WDFY2: variants seen among roughly 807,000 people sequenced by gnomAD.
The protein encoded by WDFY2 is WD repeat and FYVE domain-containing protein 2.
In WDFY2, 36 loss-of-function variants were observed where a neutral mutation model predicts 56.4. The ratio of observed to expected loss-of-function variants is 0.64; its 90% CI spans 0.49 to 0.84. WDFY2 has a LOEUF of 0.84. Among genes scored for constraint, WDFY2 ranks in the 40% least tolerant of loss-of-function variants. The pLI is 0.00. For missense variants in WDFY2, 444 were observed against 512.2 expected (o/e 0.87, Z 1.29); for synonymous variants, 176 against 183.7 (o/e 0.96, Z 0.34).
At chr13:51,650,491 A>C (rs139482891) in intron 1 of WDFY2, among the ~76,000 whole-genome samples, 14,853 of 152,172 alleles carry the variant, frequency 0.098, 995 homozygotes, top group Admixed American at 0.2. Flanking sequence ...TGTCTTGTGC[A>C]AGTTTTCAAA....
chr13:51,596,252 GAAAAT>G (rs1320739211), intron 1 of WDFY2, among the ~76,000 whole-genome samples: 3 of 152,102 alleles, frequency 2.0e-5, no homozygotes, highest in Admixed American at 6.5e-5. Flanking sequence ...TTTTTATCTA[GAAAAT>G]AAAATTAAAT....
intron 2 of WDFY2, among the ~76,000 whole-genome samples, chr13:51,671,865 C>T (rs1278452494): frequency 6.9e-6 from 1 of 145,602 alleles, no homozygotes; most frequent in African/African-American, 2.5e-5. Context: ...CTTACTGCAA[C>T]CTCTGCCTCC....
At chr13:51,621,152 C>T (rs901197108) in intron 1 of WDFY2, among the ~76,000 whole-genome samples, 7 of 152,162 alleles carry the variant, frequency 4.6e-5, no homozygotes, top group African/African-American at 1.2e-4. Flanking sequence ...CCTACACAAA[C>T]GCATACTTTT....
chr13:51,661,369 T>C (rs1008938707), intron 2 of WDFY2, among the ~76,000 whole-genome samples: 2 of 152,204 alleles, frequency 1.3e-5, no homozygotes, highest in African/African-American at 4.8e-5. Context: ...TAGCACAAAA[T>C]AATTATTTAA....
At chr13:51,658,613 A>G (rs1397471553) in intron 1 of WDFY2, among the ~76,000 whole-genome samples, 2 of 152,208 alleles carry the variant, frequency 1.3e-5, no homozygotes, top group African/African-American at 2.4e-5. Flanking sequence ...TTACTCTGGT[A>G]TTGATTCTTA....
chr13:51,656,989 G>A (rs1955520309), intron 1 of WDFY2, among the ~76,000 whole-genome samples: 1 of 151,986 alleles, frequency 6.6e-6, no homozygotes, highest in East Asian at 1.9e-4. Flanking sequence ...TTACTGATAA[G>A]TAAAGACTTC....
chr13:51,711,355 T>C (rs1392671464), intron 4 of WDFY2, among the ~76,000 whole-genome samples: 10 of 152,094 alleles, frequency 6.6e-5, no homozygotes, highest in Non-Finnish European at 1.3e-4. Flanking sequence ...AACCTAGGCA[T>C]TACCATTCAG....
intron 1 of WDFY2, chr13:51,586,218 T>G: frequency 2.5e-6 from 1 of 395,704 alleles, no homozygotes; most frequent in Non-Finnish European, 4.5e-6. Flanking sequence ...TAGAAATTCT[T>G]TGGCACAGTA....
At chr13:51,630,097 C>A (rs1267501324) in intron 1 of WDFY2, among the ~76,000 whole-genome samples, 1 of 151,970 alleles carries the variant, frequency 6.6e-6, no homozygotes, top group Non-Finnish European at 1.5e-5. Flanking sequence ...AAATATGGAG[C>A]CTTAGCCATT....
intron 6 of WDFY2, among the ~76,000 whole-genome samples, chr13:51,737,548 AT>A (rs1192568216): frequency 2.6e-5 from 3 of 114,526 alleles, no homozygotes; most frequent in South Asian, 3.6e-4. Flanking sequence ...GAGACAATGA[AT>A]TTAAAAAAAA....
rs185666630 is a variant in WDFY2, at chr13:51,689,726, T to G, written c.280-13870T>G. ...CTCTGGGTTCCTGGGTGAAACAATG[T>G]CCCATTGTTTGGTAGCCAGTGAAAC... On this transcript the variant is annotated intron_variant, in intron 3 of 11. Transcript: ENST00000298125. Among the ~76,000 whole-genome samples, 599 of 152,248 alleles carry G rather than the reference T, an allele frequency of 3.9e-3. 5 individuals are homozygous for G. Among genetic ancestry groups the G allele is most frequent in the African/African-American group, 0.014 (574 of 41,536 alleles).
rs1188132364 is a variant in WDFY2 at position 51,714,530 on chromosome 13, T to G, written c.335-4668T>G. 4.6e-5 allele frequency among the ~76,000 whole-genome samples: 7 copies of G among 152,228 alleles called. No homozygotes were observed. In the East Asian group the frequency reaches 1.4e-3, roughly 29 times the overall value. ...CTAGTCTTGAACTCCTGACCTTAGG[T>G]GATCCACCTGCCTCGGCCTCCCAAA... is the stretch of plus-strand genomic sequence containing the variant. On this transcript the variant is annotated intron_variant, in intron 4 of 11. Coordinates refer to ENST00000298125, the MANE Select transcript of WDFY2 (RefSeq NM_052950.4).
Position 51,765,007 on chromosome 13 carries a change from C to G in WDFY2, c.*5238C>G, listed in dbSNP as rs9535755. On this transcript the variant is annotated 3_prime_UTR_variant, in exon 12 of 12. Coordinates refer to ENST00000298125, the MANE Select transcript of WDFY2 (RefSeq NM_052950.4). ...CAGCTGCTGCCCTCCACTTCCTGCT[C>G]TTGCAAGTCACAGATGATTCCAGTA... The G allele has an allele frequency of 0.12, 18,787 of 152,292 alleles. 1,441 individuals are homozygous for G. Among genetic ancestry groups the G allele is most frequent in the South Asian group, 0.22 (1,052 of 4,822 alleles). 9.4% of individuals were successfully genotyped at this position (152,292 alleles called of 1,614,324 possible).
chr13:51,696,952 A>G (rs980636493), intron 3 of WDFY2, among the ~76,000 whole-genome samples: 1 of 152,232 alleles, frequency 6.6e-6, no homozygotes, highest in Non-Finnish European at 1.5e-5. Context: ...TCCTCAGTCC[A>G]TGACAATCGT....
intron 2 of WDFY2, among the ~76,000 whole-genome samples, chr13:51,665,754 C>T (rs1461482559): frequency 1.3e-5 from 2 of 152,162 alleles, no homozygotes; most frequent in East Asian, 3.9e-4. Flanking sequence ...GGGCTGGAAC[C>T]TCAGGCCGGG....
intron 7 of WDFY2, among the ~76,000 whole-genome samples, chr13:51,743,618 T>C (rs576673214): frequency 6.6e-6 from 1 of 152,350 alleles, no homozygotes; most frequent in Non-Finnish European, 1.5e-5. Flanking sequence ...CATATATTCA[T>C]AACTCAGTCA....
At chr13:51,587,522 T>C (rs1370955856) in intron 1 of WDFY2, 1 of 152,252 alleles carries the variant, frequency 6.6e-6, no homozygotes. Flanking sequence ...TGGACAAGTA[T>C]ACACTTGTAG....
intron 2 of WDFY2, among the ~76,000 whole-genome samples, chr13:51,664,476 G>A (rs1299162151): frequency 6.6e-6 from 1 of 152,190 alleles, no homozygotes; most frequent in African/African-American, 2.4e-5. Flanking sequence ...TGCAGAAAAG[G>A]TAGGGTGAAC....
intron 9 of WDFY2, among the ~76,000 whole-genome samples, chr13:51,755,663 G>A (rs1422837701): frequency 2.0e-5 from 3 of 152,172 alleles, no homozygotes; most frequent in Non-Finnish European, 4.4e-5. Context: ...TTGGTTCCCA[G>A]TAAGCAGTTA....
Sources: allele counts gnomAD v4.1 joint callset (sites outside exome capture counted in the v4.1 genomes callset), GRCh38; gene constraint gnomAD v4.1.1; transcripts MANE v1.5; gene names NCBI Gene and HGNC (gene_info 2026-07-23, HGNC 2026-07-21).